PLXNA2: variants seen among roughly 807,000 people sequenced by gnomAD.
PLXNA2 encodes the protein plexin A2, also known as plexin-A2.
Under a neutral mutation model 193.5 loss-of-function variants are expected in PLXNA2, and 91 were observed. That is an observed-to-expected ratio of 0.47 (90% confidence interval 0.40 to 0.56). The LOEUF (loss-of-function observed/expected upper bound fraction) is 0.56, where lower values mean the gene tolerates loss of function less well. Ranked by LOEUF, PLXNA2 falls within the 20% of genes least tolerant of loss-of-function variation. PLXNA2 has a pLI of 0.00. For missense variants in PLXNA2, 1,995 were observed against 2,503.2 expected (o/e 0.80, Z 4.33); for synonymous variants, 997 against 1,027.3 (o/e 0.97, Z 0.56).
intron 11 of PLXNA2, among the ~76,000 whole-genome samples, chr1:208,080,659 C>A (rs1390897061): frequency 6.6e-6 from 1 of 152,112 alleles, no homozygotes; most frequent in Non-Finnish European, 1.5e-5. Context: ...ATTTAAATAC[C>A]CTCATGCTTA....
chr1:208,201,608 G>A (rs1274739177), intron 3 of PLXNA2, among the ~76,000 whole-genome samples: 2 of 152,160 alleles, frequency 1.3e-5, no homozygotes, highest in South Asian at 2.1e-4. Context: ...GGAAGAAGTG[G>A]GGTTTTGGGG....
At chr1:208,191,516 T>A (rs1197446344) in intron 3 of PLXNA2, among the ~76,000 whole-genome samples, 2 of 152,186 alleles carry the variant, frequency 1.3e-5, no homozygotes, top group Non-Finnish European at 2.9e-5. Context: ...GTTTCCTGAG[T>A]ACACACTCTA....
chr1:208,029,566 G>A lies in PLXNA2; in HGVS notation c.5226-524C>T, dbSNP rs556604409. 56 of 990,918 alleles carry A rather than the reference G, an allele frequency of 5.7e-5. No individual in the cohort carries two copies. In the South Asian group the frequency reaches 1.6e-3, roughly 28 times the overall value. The allele number at this position is 990,918 out of a possible 1,614,324, so 61.4% of individuals were successfully genotyped here. A position where few individuals can be genotyped will look rare whatever the true frequency, so the allele number is the denominator to read the frequency against. On this transcript the variant is annotated intron_variant, in intron 29 of 31. Coordinates refer to ENST00000367033, the MANE Select transcript of PLXNA2 (RefSeq NM_025179.4). ...AGGGCTGGCCTGGCCTGGCTGGGCC[G>A]AGGAATGGGCTCCCCTGGGGGAAGT...
At chr1:208,184,855 G>A (rs1257049025) in intron 3 of PLXNA2, among the ~76,000 whole-genome samples, 1 of 152,126 alleles carries the variant, frequency 6.6e-6, no homozygotes, top group Non-Finnish European at 1.5e-5. Flanking sequence ...CTTAAGCGGG[G>A]GGCCAGCAGA....
At chr1:208,220,704 A>G (rs1671302425) in intron 1 of PLXNA2, among the ~76,000 whole-genome samples, 1 of 152,006 alleles carries the variant, frequency 6.6e-6, no homozygotes, top group Non-Finnish European at 1.5e-5. Flanking sequence ...GGCCTCCCAA[A>G]GTGCTGGGAT....
At chr1:208,045,255 G>A (rs201205922) in intron 18 of PLXNA2, 45 bp from the exon 19 acceptor site, 69 of 1,589,136 alleles carry the variant, frequency 4.3e-5, no homozygotes, top group Middle Eastern at 3.3e-4. Context: ...ACACATGCAC[G>A]CACAAGTTAA....
chr1:208,180,201 A>G (rs1197433158), intron 3 of PLXNA2, among the ~76,000 whole-genome samples: 3 of 151,332 alleles, frequency 2.0e-5, no homozygotes, highest in Non-Finnish European at 4.4e-5. Flanking sequence ...TGTGTATGTT[A>G]AAGTCATTAA....
intron 3 of PLXNA2, among the ~76,000 whole-genome samples, chr1:208,167,412 C>T (rs999548395): frequency 5.3e-5 from 8 of 152,220 alleles, no homozygotes; most frequent in Non-Finnish European, 1.2e-4. Context: ...ATAATATGCT[C>T]AGTGCACACT....
At chr1:208,226,623 G>A (rs1461387662) in intron 1 of PLXNA2, among the ~76,000 whole-genome samples, 1 of 152,156 alleles carries the variant, frequency 6.6e-6, no homozygotes, top group Non-Finnish European at 1.5e-5. Context: ...GAGATACACC[G>A]CCTGACCCTG....
In PLXNA2 at chr1:208,044,440, C is replaced by T; in HGVS notation, c.3874+68G>A. ...TGGGAGTAAAGATAGGAGTTGTCTG[C>T]AGGGAGAAGGGCAATAAGGCAGGTG... On this transcript the variant is annotated intron_variant, in intron 20 of 31. Transcript: ENST00000367033. The surrounding 1 kb of genome is among the most constrained non-coding windows in gnomAD (Gnocchi z 4.9). 2.7e-6 allele frequency: 3 copies of T among 1,093,362 alleles called. No homozygotes were observed. Among genetic ancestry groups the T allele is most frequent in the South Asian group, 1.3e-5 (1 of 77,820 alleles). 67.7% of individuals were successfully genotyped at this position (1,093,362 alleles called of 1,614,324 possible).
chr1:208,220,579 C>T (rs921590873), intron 1 of PLXNA2, among the ~76,000 whole-genome samples: 2 of 151,534 alleles, frequency 1.3e-5, no homozygotes, highest in African/African-American at 4.9e-5. Context: ...ACTACAGGCA[C>T]GTGCCACCAC....
chr1:208,042,462 G>T, intron 21 of PLXNA2, 96 bp from the exon 22 acceptor site: 2 of 1,345,932 alleles, frequency 1.5e-6, no homozygotes, highest in Non-Finnish European at 2.1e-6. Flanking sequence ...GATGACACTA[G>T]CTGTAGGACC....
intron 4 of PLXNA2, among the ~76,000 whole-genome samples, chr1:208,136,940 T>C (rs1421889285): frequency 1.3e-5 from 2 of 152,342 alleles, no homozygotes; most frequent in East Asian, 3.9e-4. Flanking sequence ...ATATGCATTC[T>C]CTCAATCCTC....
At chr1:208,187,126 T>G (rs1455976733) in intron 3 of PLXNA2, among the ~76,000 whole-genome samples, 1 of 152,222 alleles carries the variant, frequency 6.6e-6, no homozygotes, top group Non-Finnish European at 1.5e-5. Flanking sequence ...CAGAATTACA[T>G]GCAGCTTGCT....
At position 208,217,996 on chromosome 1, in the gene PLXNA2, C is replaced by T. The variant is rs1225041915; in HGVS notation, c.-74G>A. The T allele has an allele frequency of 1.3e-6, 2 of 1,562,368 alleles. No homozygotes were observed. Among genetic ancestry groups the T allele is most frequent in the African/African-American group, 2.7e-5 (2 of 74,150 alleles). On this transcript the variant is annotated 5_prime_UTR_variant, in exon 2 of 32. In the 5' UTR this introduces an upstream ATG that the reference lacks. Transcript: ENST00000367033. This position sits in a 1 kb window ranked among gnomAD's most constrained non-coding sequence, Gnocchi z 4.7. ...CTCCACCTTCCCCGGTTGGCCCTCA[C>T]ATGATTCTGCAAAACACAAGGCAGA...
At position 208,232,655 on chromosome 1, in the gene PLXNA2, G is replaced by A. The variant is rs374256473; in HGVS notation, c.-81+10988C>T. 8.5e-5 allele frequency among the ~76,000 whole-genome samples: 13 copies of A among 152,344 alleles called. No individual in the cohort carries two copies. In the South Asian group the frequency reaches 1.0e-3, roughly 12 times the overall value. On this transcript the variant is annotated intron_variant, in intron 1 of 31. Transcript: ENST00000367033. ...AGAAGAAGTTAGAGCTGTGCAAGCAGAGAATTGACCAAATCTCAGTTCAGA... is the reference window on the plus strand; with the variant it reads ...AGAAGAAGTTAGAGCTGTGCAAGCAAAGAATTGACCAAATCTCAGTTCAGA...
chr1:208,222,772 G>A (rs1332544569), intron 1 of PLXNA2, among the ~76,000 whole-genome samples: 2 of 152,162 alleles, frequency 1.3e-5, no homozygotes, highest in African/African-American at 4.8e-5. Flanking sequence ...TATAGCAAAA[G>A]GAGCTGGTGG....
At position 208,167,268 on chromosome 1, in the gene PLXNA2, C is replaced by T. The variant is rs74153039; in HGVS notation, c.1372-24805G>A. On this transcript the variant is annotated intron_variant, in intron 3 of 31. Coordinates refer to ENST00000367033, the MANE Select transcript of PLXNA2 (RefSeq NM_025179.4). ...AGGAACAGGAAGGGAGAAAAGAACA[C>T]CAGGAAAATCTCTGCCCTCTCTCCC... is the stretch of plus-strand genomic sequence containing the variant. Among the ~76,000 whole-genome samples, 546 of 152,224 alleles carry T rather than the reference C, an allele frequency of 3.6e-3. 2 individuals carry two copies. Among genetic ancestry groups the T allele is most frequent in the African/African-American group, 0.013 (527 of 41,508 alleles).
At chr1:208,107,833 G>A (rs1217101310) in intron 4 of PLXNA2, among the ~76,000 whole-genome samples, 1 of 152,064 alleles carries the variant, frequency 6.6e-6, no homozygotes, top group Non-Finnish European at 1.5e-5. Context: ...TATACAATGG[G>A]AGGCCCTTCT....
Sources: allele counts gnomAD v4.1 joint callset (sites outside exome capture counted in the v4.1 genomes callset), GRCh38; gene constraint gnomAD v4.1.1; non-coding constraint Gnocchi (gnomAD v3.1); transcripts MANE v1.5; gene names NCBI Gene and HGNC (gene_info 2026-07-23, HGNC 2026-07-21).